RAB40C: variants seen among roughly 807,000 people sequenced by gnomAD.
RAB40C encodes RAB40C, member RAS oncogene family.
In RAB40C, 8 loss-of-function variants were observed where a neutral mutation model predicts 28.1. The ratio of observed to expected loss-of-function variants is 0.28; its 90% CI spans 0.17 to 0.51. The LOEUF (loss-of-function observed/expected upper bound fraction) is 0.51. RAB40C is among the 20% of genes least tolerant of loss of function. The pLI is 0.97. For synonymous variants in RAB40C, 201 were observed against 171.7 expected (o/e 1.17, Z -1.34); for missense variants, 288 against 405.9 (o/e 0.71, Z 2.50).
intron 1 of RAB40C, among the ~76,000 whole-genome samples, chr16:615,585 G>A (rs1320754089): frequency 2.6e-5 from 4 of 152,204 alleles, no homozygotes; most frequent in African/African-American, 7.2e-5. Flanking sequence ...TCGTGCCTGC[G>A]TTAAGTGTCC....
chr16:618,017 C>T (rs1407508917), intron 2 of RAB40C, among the ~76,000 whole-genome samples, 183 bp from the exon 3 acceptor site: 1 of 152,172 alleles, frequency 6.6e-6, no homozygotes, highest in African/African-American at 2.4e-5. Context: ...CTGCCTGGCT[C>T]AGCGGCACGG....
chr16:590,263 G>A lies in RAB40C; in HGVS notation c.-29G>A. The A allele has an allele frequency of 6.9e-7, 1 of 1,442,024 alleles. No individual in the cohort carries two copies. The highest frequency in any genetic ancestry group is 9.1e-7 in the Non-Finnish European group (1 of 1,094,920). 89.3% of individuals were successfully genotyped at this position (1,442,024 alleles called of 1,614,324 possible). A position where few individuals can be genotyped will look rare whatever the true frequency, so the allele number is the denominator to read the frequency against. On this transcript the variant is annotated 5_prime_UTR_variant, in exon 1 of 6. Coordinates refer to ENST00000248139, the MANE Select transcript of RAB40C (RefSeq NM_021168.5). Reference sequence around the variant, plus strand: ...CTCACCCGGCGGTGCTTCGGCAGGCGGCCGGCGCGGGGCGCAGGCGGCGCG... The same window carrying A: ...CTCACCCGGCGGTGCTTCGGCAGGCAGCCGGCGCGGGGCGCAGGCGGCGCG...
intron 3 of RAB40C, among the ~76,000 whole-genome samples, chr16:618,652 G>A (rs1456787090): frequency 6.6e-6 from 1 of 151,972 alleles, no homozygotes. Flanking sequence ...TGTGTGCAGT[G>A]TGTGCGCAGG....
intron 1 of RAB40C, among the ~76,000 whole-genome samples, chr16:604,117 G>A (rs1269524547): frequency 6.8e-6 from 1 of 146,562 alleles, no homozygotes. Flanking sequence ...GCAGTGGTAT[G>A]ATCTCAGCTC....
At chr16:624,384 C>A (rs1216771181) in intron 3 of RAB40C, 1 of 985,362 alleles carries the variant, frequency 1.0e-6, no homozygotes, top group Non-Finnish European at 1.2e-6. Flanking sequence ...GCCCACCAGA[C>A]TGACTTGGCC....
At chr16:616,867 A>G (rs2036595932) in intron 1 of RAB40C, 1 of 340,594 alleles carries the variant, frequency 2.9e-6, no homozygotes, top group Non-Finnish European at 5.6e-6. Context: ...TGTGCCTTGC[A>G]CCCAGCGCGG....
chr16:596,171 C>A, intron 1 of RAB40C: 1 of 392,226 alleles, frequency 2.5e-6, no homozygotes, highest in South Asian at 1.9e-5. Flanking sequence ...TCGTGTCGAG[C>A]ACACGTGTTG....
chr16:615,385 CCCACTGGGCAGGTGCACTCCGTG>C (rs1445892579), intron 1 of RAB40C, among the ~76,000 whole-genome samples: 2 of 152,182 alleles, frequency 1.3e-5, no homozygotes, highest in Non-Finnish European at 2.9e-5. Flanking sequence ...CACACACAAG[CCCACTGGGCAGGTGCACTCCGTG>C]GGAGGGCGTC....
chr16:620,837 CG>C (rs925532457), intron 3 of RAB40C, among the ~76,000 whole-genome samples: 10 of 149,978 alleles, frequency 6.7e-5, no homozygotes, highest in Admixed American at 1.3e-4. Flanking sequence ...CCACCCCCCC[CG>C]ACGGGCTCCA....
chr16:625,969 C>T lies in RAB40C; in HGVS notation c.413C>T (p.Thr138Met). 2 of 1,613,118 alleles carry T rather than the reference C, an allele frequency of 1.2e-6. No homozygotes were observed. The highest frequency in any genetic ancestry group is 1.7e-6 in the Non-Finnish European group (2 of 1,179,984). ...CTGGCCTTCAAGCGGCAGGTCCCGA[C>T]GGAGCAGGCCCGCGCGTACGCAGAG... ...LHLAFKRQVPTEQARAYAEKN... is the reference protein window; with the variant it reads ...LHLAFKRQVPMEQARAYAEKN... The change falls in exon 5 of 6, where the codon ACG becomes ATG. Residue 138 changes from threonine (T) to methionine (M), a missense_variant. Transcript: ENST00000248139.
At chr16:605,663 C>T (rs1050567052) in intron 1 of RAB40C, among the ~76,000 whole-genome samples, 26 of 152,154 alleles carry the variant, frequency 1.7e-4, no homozygotes, top group Middle Eastern at 3.2e-3. Flanking sequence ...AGTGGTCTCC[C>T]GTGTGTCAAG....
chr16:622,931 G>A lies in RAB40C; in HGVS notation c.265-2501G>A, dbSNP rs141976975. ...GTGCTTAGGGTGCCGTTCGTTAGGC[G>A]GCTGCTGGTCACCGAGAGTCTCCTT... On this transcript the variant is annotated intron_variant, in intron 3 of 5. Transcript: ENST00000248139. Among the ~76,000 whole-genome samples the A allele has an allele frequency of 7.4e-3, 1,121 of 152,234 alleles. 18 individuals are homozygous for A. The highest frequency in any genetic ancestry group is 0.025 in the African/African-American group (1,054 of 41,540).
intron 3 of RAB40C, among the ~76,000 whole-genome samples, chr16:621,360 A>G (rs941641626): frequency 6.6e-6 from 1 of 152,248 alleles, no homozygotes; most frequent in Non-Finnish European, 1.5e-5. Flanking sequence ...GATGAGACAC[A>G]GACTAGCAAG....
At chr16:618,147 G>A in intron 2 of RAB40C, 53 bp from the exon 3 acceptor site, 1 of 1,565,796 alleles carries the variant, frequency 6.4e-7, no homozygotes, top group Non-Finnish European at 8.7e-7. Flanking sequence ...GGAAGGAGGT[G>A]AGCCTCTCAC....
At chr16:593,907 C>G (rs762079003) in intron 1 of RAB40C, among the ~76,000 whole-genome samples, 1 of 152,186 alleles carries the variant, frequency 6.6e-6, no homozygotes, top group Non-Finnish European at 1.5e-5. Flanking sequence ...GCGAGTTACC[C>G]GGCAGGAATT....
At chr16:623,831 T>C (rs1300585986) in intron 3 of RAB40C, 2 of 446,366 alleles carry the variant, frequency 4.5e-6, no homozygotes, top group Non-Finnish European at 5.9e-6. Context: ...ACACCTGTAT[T>C]CCCAGCCACT....
At chr16:622,317 G>C (rs985301781) in intron 3 of RAB40C, among the ~76,000 whole-genome samples, 1 of 152,142 alleles carries the variant, frequency 6.6e-6, no homozygotes, top group African/African-American at 2.4e-5. Flanking sequence ...GGGGGTGCTG[G>C]GCCTGAGCTC....
chr16:624,999 A>C (rs2036797078), intron 3 of RAB40C: 2 of 1,289,840 alleles, frequency 1.6e-6, no homozygotes, highest in East Asian at 1.1e-4. Context: ...CTGCTCTGCA[A>C]GTTTTAGGTT....
chr16:600,146 C>T lies in RAB40C; in HGVS notation c.142+9713C>T, dbSNP rs548698127. Among the ~76,000 whole-genome samples the T allele has an allele frequency of 2.3e-4, 35 of 152,354 alleles. No individual in the cohort carries two copies. In the Middle Eastern group the frequency reaches 0.017, roughly 74 times the overall value. ...CATGGCCCCCTTGATGTTGGAGCCT[C>T]TTCAGGTGGCACCTGCGTCCTGGGC... is the stretch of plus-strand genomic sequence containing the variant. On this transcript the variant is annotated intron_variant, in intron 1 of 5. Transcript: ENST00000248139.
Sources: gnomAD v4.1 joint callset for allele counts (sites outside exome capture counted in the v4.1 genomes callset) on GRCh38, gnomAD v4.1.1 for gene constraint, MANE v1.5 for transcripts, NCBI Gene and HGNC (gene_info 2026-07-23, HGNC 2026-07-21) for gene names.